EYA3: variants seen among roughly 807,000 people sequenced by gnomAD.
EYA3 encodes EYA transcriptional coactivator and phosphatase 3, also known as protein phosphatase EYA3.
Under a neutral mutation model 80.0 loss-of-function variants are expected in EYA3, and 39 were observed. The ratio of observed to expected loss-of-function variants is 0.49; its 90% CI spans 0.38 to 0.64. The LOEUF is 0.64. EYA3 is among the 30% of genes least tolerant of loss of function. The pLI, the probability that EYA3 is intolerant of heterozygous loss-of-function variation, is 0.00. For synonymous variants in EYA3, 206 were observed against 232.8 expected (o/e 0.88, Z 1.05); for missense variants, 523 against 676.1 (o/e 0.77, Z 2.51).
At chr1:27,999,899 C>A in intron 12 of EYA3, 61 bp downstream of exon 12, 1 of 1,266,230 alleles carries the variant, frequency 7.9e-7, no homozygotes, top group Non-Finnish European at 1.1e-6. Flanking sequence ...TAAGCAAAAG[C>A]TCTAAATAGT....
At chr1:28,063,063 A>C (rs1644694474) in intron 1 of EYA3, among the ~76,000 whole-genome samples, 3 of 151,682 alleles carry the variant, frequency 2.0e-5, no homozygotes, top group Admixed American at 2.0e-4. Context: ...CATGAAAACA[A>C]GGCATATATC....
chr1:28,035,690 T>C lies in EYA3; in HGVS notation c.225-10A>G. ...AATATGTGCATAAGGTCTGGAAAATTTCATGAAAACAAAAACTTTTGTGTG... is the reference window on the plus strand; with the variant it reads ...AATATGTGCATAAGGTCTGGAAAATCTCATGAAAACAAAAACTTTTGTGTG... On this transcript the variant is annotated splice_polypyrimidine_tract_variant and intron_variant, in intron 5 of 17. Transcript: ENST00000373871. The C allele has an allele frequency of 3.7e-6, 6 of 1,607,568 alleles. No homozygotes were observed. Among genetic ancestry groups the C allele is most frequent in the Non-Finnish European group, 5.1e-6 (6 of 1,178,066 alleles).
Position 28,027,865 on chromosome 1 carries a change from T to C in EYA3, c.423A>G (p.Gln141=), listed in dbSNP as rs748817789. The C allele has an allele frequency of 1.2e-6, 2 of 1,614,190 alleles. No individual in the cohort carries two copies. Among genetic ancestry groups the C allele is most frequent in the Non-Finnish European group, 1.7e-6 (2 of 1,180,010 alleles). ...CTGTAGTGCAGGTAAGAACACTGTGTTGACTTGGAGATGGAGTCTGAATTA... is the reference window on the plus strand; with the variant it reads ...CTGTAGTGCAGGTAAGAACACTGTGCTGACTTGGAGATGGAGTCTGAATTA... The part of the protein sequence containing the change: ...SGLIQTPSPS[Q]HSVLTCTTGL... Residue 141 remains glutamine (Q), a synonymous_variant, in exon 7 of 18, where the codon CAA becomes CAG. Coordinates refer to ENST00000373871, the MANE Select transcript of EYA3 (RefSeq NM_001990.4).
intron 4 of EYA3, among the ~76,000 whole-genome samples, chr1:28,040,788 T>C (rs942989762): frequency 1.4e-5 from 2 of 145,492 alleles, no homozygotes; most frequent in Non-Finnish European, 3.0e-5. Context: ...GCAGAAGTTC[T>C]GATATGTCAC....
At chr1:28,054,424 T>G (rs974602801) in intron 2 of EYA3, among the ~76,000 whole-genome samples, 1 of 152,140 alleles carries the variant, frequency 6.6e-6, no homozygotes, top group East Asian at 1.9e-4. Flanking sequence ...ATACCTAAAT[T>G]TTTCAAAAAG....
chr1:28,016,837 A>C (rs1164027374), intron 8 of EYA3, among the ~76,000 whole-genome samples: 1 of 152,222 alleles, frequency 6.6e-6, no homozygotes, highest in East Asian at 1.9e-4. Flanking sequence ...GGGAATATGT[A>C]AATGAACAAA....
intron 1 of EYA3, among the ~76,000 whole-genome samples, chr1:28,087,580 G>C (rs144384348): frequency 6.6e-6 from 1 of 152,182 alleles, no homozygotes; most frequent in Non-Finnish European, 1.5e-5. Context: ...TAAATCTGGG[G>C]CTAATGATCT....
At position 28,027,849 on chromosome 1, in the gene EYA3, A is replaced by C. The variant is rs759089887; in HGVS notation, c.439T>G (p.Cys147Gly). The C allele has an allele frequency of 1.9e-6, 3 of 1,614,158 alleles. No individual in the cohort carries two copies. The highest frequency in any genetic ancestry group is 2.5e-6 in the Non-Finnish European group (3 of 1,180,006). ...PSPSQHSVLT[C>G]TTGLTTSQPS... ...TGGCTTGTGGTTAACCCTGTAGTGC[A>C]GGTAAGAACACTGTGTTGACTTGGA... Residue 147 changes from cysteine to glycine, a missense_variant, in exon 7 of 18, where the codon TGC (cysteine) becomes GGC (glycine). By Grantham distance (159) the Cys-to-Gly change is radical. Transcript: ENST00000373871.
At chr1:28,075,173 T>C (rs143627945) in intron 1 of EYA3, among the ~76,000 whole-genome samples, 1 of 152,332 alleles carries the variant, frequency 6.6e-6, no homozygotes, top group Non-Finnish European at 1.5e-5. Flanking sequence ...ACCTTCTTAG[T>C]TCTTTCCTAA....
chr1:28,086,975 A>G lies in EYA3; in HGVS notation c.-69+1549T>C, dbSNP rs150725419. 4.6e-3 allele frequency among the ~76,000 whole-genome samples: 699 copies of G among 152,336 alleles called. 5 individuals carry two copies. The highest frequency in any genetic ancestry group is 0.016 in the African/African-American group (669 of 41,570). On this transcript the variant is annotated intron_variant, in intron 1 of 17. Coordinates refer to ENST00000373871, the MANE Select transcript of EYA3 (RefSeq NM_001990.4). ...TAAGCCAAGGACTATACACTCTTATATGTATATGTATCATATAATGAAGAT... is the reference window on the plus strand; with the variant it reads ...TAAGCCAAGGACTATACACTCTTATGTGTATATGTATCATATAATGAAGAT...
At chr1:28,034,301 GT>G (rs1643325149) in intron 6 of EYA3, among the ~76,000 whole-genome samples, 1 of 151,990 alleles carries the variant, frequency 6.6e-6, no homozygotes, top group Non-Finnish European at 1.5e-5. Context: ...TTAAAAAACT[GT>G]AATTTAAAAA....
intron 1 of EYA3, among the ~76,000 whole-genome samples, chr1:28,069,404 C>T (rs1161028261): frequency 2.6e-5 from 4 of 151,824 alleles, no homozygotes; most frequent in African/African-American, 4.8e-5. Context: ...CCACCATGGC[C>T]GGCCAAAACA....
intron 6 of EYA3, among the ~76,000 whole-genome samples, chr1:28,035,278 T>C (rs1335958630): frequency 6.6e-6 from 1 of 152,144 alleles, no homozygotes; most frequent in Non-Finnish European, 1.5e-5. Context: ...ATAAAGTAAG[T>C]CAAATCAATA....
At chr1:28,049,541 A>G (rs1186946381) in intron 2 of EYA3, among the ~76,000 whole-genome samples, 6 of 152,252 alleles carry the variant, frequency 3.9e-5, no homozygotes, top group Non-Finnish European at 8.8e-5. Context: ...AAAGGAGAAA[A>G]TAGATATGAT....
chr1:28,070,825 T>C (rs981611041), intron 1 of EYA3, among the ~76,000 whole-genome samples: 4 of 152,214 alleles, frequency 2.6e-5, no homozygotes, highest in South Asian at 2.1e-4. Flanking sequence ...AGGTACTTCA[T>C]GGATCTTGAG....
intron 8 of EYA3, among the ~76,000 whole-genome samples, chr1:28,014,515 G>A (rs1641912472): frequency 6.6e-6 from 1 of 150,774 alleles, no homozygotes; most frequent in Non-Finnish European, 1.5e-5. Flanking sequence ...ATCACATGAG[G>A]TCAGGAGTTT....
At chr1:28,049,434 A>C (rs532905014) in intron 2 of EYA3, among the ~76,000 whole-genome samples, 1 of 152,360 alleles carries the variant, frequency 6.6e-6, no homozygotes, top group South Asian at 2.1e-4. Context: ...CTAAATTTGA[A>C]ACAAAAATTA....
In EYA3 at chr1:28,088,073, A is replaced by G. The variant is rs140931222; in HGVS notation, c.-69+451T>C. Among the ~76,000 whole-genome samples, 17 of 152,294 alleles carry G rather than the reference A, an allele frequency of 1.1e-4. 1 individual carries two copies. The East Asian group carries it at 3.3e-3, about 29-fold the overall frequency. ...GCTGAAGAAAGTTGGGGGACAAGGA[A>G]CTAGGACCCTAGGGAGAGGCTCAGT... On this transcript the variant is annotated intron_variant, in intron 1 of 17. Coordinates refer to ENST00000373871, the MANE Select transcript of EYA3 (RefSeq NM_001990.4).
At chr1:27,977,331 A>C (rs1325696236) in intron 17 of EYA3, 1 of 1,550,602 alleles carries the variant, frequency 6.4e-7, no homozygotes, top group Admixed American at 2.0e-5. Context: ...GATGAAGAGT[A>C]TCAGGGCAGT....
Sources: gnomAD v4.1 joint callset for allele counts (sites outside exome capture counted in the v4.1 genomes callset) on GRCh38, gnomAD v4.1.1 for gene constraint, MANE v1.5 for transcripts, NCBI Gene and HGNC (gene_info 2026-07-23, HGNC 2026-07-21) for gene names.